The following ARHGEF17 variants were observed in gnomAD, a reference collection of about 807,000 sequenced individuals.
The protein encoded by ARHGEF17 is 164 kDa Rho-specific guanine-nucleotide exchange factor.
In ARHGEF17, 80 loss-of-function variants were observed where a neutral mutation model predicts 174.0. The ratio of observed to expected loss-of-function variants is 0.46; its 90% CI spans 0.38 to 0.55. ARHGEF17 has a LOEUF of 0.55. Ranked by LOEUF, ARHGEF17 falls within the 20% of genes least tolerant of loss-of-function variation. ARHGEF17 has a pLI of 0.00. For missense variants in ARHGEF17, 2,886 were observed against 2,839.7 expected (o/e 1.02, Z -0.37); for synonymous variants, 1,311 against 1,189.1 (o/e 1.10, Z -2.11).
rs1412032636 is a variant in ARHGEF17, at chr11:73,311,005, C to T, written c.2367C>T (p.Gly789=). The T allele has an allele frequency of 6.2e-7, 1 of 1,614,026 alleles. No homozygotes were observed. Among genetic ancestry groups the T allele is most frequent in the East Asian group, 2.2e-5 (1 of 44,890 alleles). ...GTGGTCACAGTGACTGGTCTGTGGG[C>T]AGTGAAGAGAGCAAGGGATATCAGG... is the stretch of plus-strand genomic sequence containing the variant. ...LTSGHSDWSV[G]SEESKGYQEV... The change falls in exon 1 of 21, where the codon GGC becomes GGT. Residue 789 remains glycine (G), a synonymous_variant. Coordinates refer to ENST00000263674, the MANE Select transcript of ARHGEF17 (RefSeq NM_014786.4).
At position 73,346,971 on chromosome 11, in the gene ARHGEF17, G is replaced by A. The variant is rs1865472276; in HGVS notation, c.3270+11G>A. The stretch of plus-strand genomic sequence containing the variant: ...CGCACCCTGATGCAGGTGGGGCTCG[G>A]GGCCCACTCCCCTGAGAATGGCCTT... On this transcript the variant is annotated intron_variant, in intron 2 of 20. Coordinates refer to ENST00000263674, the MANE Select transcript of ARHGEF17 (RefSeq NM_014786.4). 1 of 1,588,924 alleles carries A rather than the reference G, an allele frequency of 6.3e-7. No homozygotes were observed. The highest frequency in any genetic ancestry group is 2.3e-5 in the East Asian group (1 of 43,634).
intron 14 of ARHGEF17, 56 bp from the exon 15 acceptor site, chr11:73,363,150 A>T: frequency 6.8e-7 from 1 of 1,470,200 alleles, no homozygotes. Flanking sequence ...CTAGAAAGAT[A>T]TCAGGTCCCA....
chr11:73,320,810 G>A (rs748821607), intron 1 of ARHGEF17, among the ~76,000 whole-genome samples: 13 of 151,910 alleles, frequency 8.6e-5, no homozygotes, highest in East Asian at 1.9e-4. Flanking sequence ...ACAGGCATGC[G>A]CCATCATGCC....
chr11:73,362,347 A>G lies in ARHGEF17; in HGVS notation c.4695-86A>G, dbSNP rs999727121. 8.3e-6 allele frequency: 12 copies of G among 1,446,402 alleles called. No individual in the cohort carries two copies. In the African/African-American group the frequency reaches 1.7e-4, roughly 20 times the overall value. The allele number at this position is 1,446,402 out of a possible 1,614,324, so 89.6% of individuals were successfully genotyped here. On this transcript the variant is annotated intron_variant, in intron 13 of 20. Coordinates refer to ENST00000263674, the MANE Select transcript of ARHGEF17 (RefSeq NM_014786.4). ...GCGTGGTTGTGGGCGGGGCCCGGCG[A>G]GTGTGGGCGGGGTCGGTGGGCGTGT...
At chr11:73,326,186 G>A (rs1865099100) in intron 1 of ARHGEF17, among the ~76,000 whole-genome samples, 1 of 152,222 alleles carries the variant, frequency 6.6e-6, no homozygotes, top group Admixed American at 6.5e-5. Flanking sequence ...GCCAAGAAGG[G>A]TGAGGGCAGG....
At chr11:73,321,593 G>A (rs1438689640) in intron 1 of ARHGEF17, among the ~76,000 whole-genome samples, 2 of 152,202 alleles carry the variant, frequency 1.3e-5, no homozygotes, top group Non-Finnish European at 2.9e-5. Flanking sequence ...AAGAGAGAAT[G>A]CTTGTGGAGC....
At chr11:73,323,758 T>A (rs1051161691) in intron 1 of ARHGEF17, among the ~76,000 whole-genome samples, 1 of 152,156 alleles carries the variant, frequency 6.6e-6, no homozygotes, top group Admixed American at 6.5e-5. Flanking sequence ...CTAAAAATAG[T>A]CCCGGGCCTG....
chr11:73,360,347 T>C lies in ARHGEF17; in HGVS notation c.4234T>C (p.Ser1412Pro), dbSNP rs1301918699. 1.9e-6 allele frequency: 3 copies of C among 1,613,694 alleles called. No homozygotes were observed. Among genetic ancestry groups the C allele is most frequent in the Non-Finnish European group, 2.5e-6 (3 of 1,180,044 alleles). ...QSLDDALRDL[S>P]AAMHRDLSEK... ...CCTGGACGATGCACTGCGGGACCTC[T>C]CAGCTGCCATGCACCGGGACCTGTC... The change falls in exon 11 of 21, where the codon TCA becomes CCA. Residue 1412 changes from serine to proline, a missense_variant. Coordinates refer to ENST00000263674, the MANE Select transcript of ARHGEF17 (RefSeq NM_014786.4).
At position 73,309,579 on chromosome 11, in the gene ARHGEF17, A is replaced by G. The variant is rs1369513170; in HGVS notation, c.941A>G (p.Asn314Ser). The G allele has an allele frequency of 3.7e-6, 6 of 1,612,306 alleles. No individual in the cohort carries two copies. In the African/African-American group the frequency reaches 4.0e-5, roughly 11 times the overall value. ...TGCAGGCCTGACAGTGATGGGTTAA[A>G]TCTAAGCAGCATGAACTCAGCAGGG... ...QDCRPDSDGLNLSSMNSAGVS... is the reference protein window; with the variant it reads ...QDCRPDSDGLSLSSMNSAGVS... The change falls in exon 1 of 21, where the codon AAT (asparagine) becomes AGT (serine). Residue 314 changes from asparagine (N) to serine (S), a missense_variant. Transcript: ENST00000263674.
At chr11:73,358,461 T>TC (rs1475392495) in intron 9 of ARHGEF17, among the ~76,000 whole-genome samples, 1 of 144,130 alleles carries the variant, frequency 6.9e-6, no homozygotes, top group East Asian at 2.0e-4. Context: ...CTCTTTTTTT[T>TC]TTTTTTTTTT....
intron 2 of ARHGEF17, among the ~76,000 whole-genome samples, chr11:73,352,072 C>T (rs1284474117): frequency 2.0e-5 from 3 of 152,078 alleles, no homozygotes; most frequent in African/African-American, 4.8e-5. Context: ...CCTATAATCC[C>T]AGCACTTTGG....
chr11:73,317,161 A>G (rs2135788243), intron 1 of ARHGEF17, among the ~76,000 whole-genome samples: 1 of 152,198 alleles, frequency 6.6e-6, no homozygotes, highest in African/African-American at 2.4e-5. Context: ...CTGAAAGGCT[A>G]GGAGAGTGGA....
intron 1 of ARHGEF17, among the ~76,000 whole-genome samples, chr11:73,312,487 T>C (rs75109191): frequency 0.078 from 11,861 of 152,182 alleles, 594 homozygotes; most frequent in Non-Finnish European, 0.1. Context: ...GTGGACAAAC[T>C]AGTGCCTATG....
chr11:73,319,707 C>T (rs1265699836), intron 1 of ARHGEF17, among the ~76,000 whole-genome samples: 1 of 152,216 alleles, frequency 6.6e-6, no homozygotes, highest in Non-Finnish European at 1.5e-5. Context: ...AGCAGTCAAT[C>T]ATTGAGCTCC....
At chr11:73,359,737 G>A (rs1424800541) in intron 9 of ARHGEF17, 97 bp from the exon 10 acceptor site, 1 of 1,064,810 alleles carries the variant, frequency 9.4e-7, no homozygotes, top group Admixed American at 2.8e-5. Flanking sequence ...TCTCTCCCCG[G>A]CCCAGCTGCA....
At chr11:73,364,083 A>G (rs1301241787) in intron 16 of ARHGEF17, 89 bp from the exon 17 acceptor site, 14 of 1,376,438 alleles carry the variant, frequency 1.0e-5, no homozygotes, top group Non-Finnish European at 1.4e-5. Flanking sequence ...CTCGGGAGCC[A>G]TACCCATTCT....
In ARHGEF17 at chr11:73,309,437, C is replaced by T; in HGVS notation, c.799C>T (p.Pro267Ser). ...GPPQLPGAQS[P>S]AYHGGHSSGS... ...GCCGCAGCTGCCTGGAGCCCAGAGTCCGGCCTACCACGGCGGCCACTCCTC... is the reference window on the plus strand; with the variant it reads ...GCCGCAGCTGCCTGGAGCCCAGAGTTCGGCCTACCACGGCGGCCACTCCTC... The change falls in exon 1 of 21, where the codon CCG becomes TCG. Residue 267 changes from proline to serine, a missense_variant. Physicochemically the swap from Pro to Ser is moderately conservative, Grantham distance 74. Around this residue, in one of 4 missense-constraint regions of ARHGEF17, gnomAD observed 1,728 missense variants for 1,461.2 expected, o/e 1.18. Transcript: ENST00000263674. The T allele has an allele frequency of 6.5e-7, 1 of 1,544,150 alleles. No homozygotes were observed. The highest frequency in any genetic ancestry group is 1.2e-5 in the South Asian group (1 of 82,190).
chr11:73,335,142 C>G (rs1326795289), intron 1 of ARHGEF17, among the ~76,000 whole-genome samples: 1 of 152,156 alleles, frequency 6.6e-6, no homozygotes, highest in Non-Finnish European at 1.5e-5. Flanking sequence ...GGTGCATTTC[C>G]TGGGAGCCCT....
intron 1 of ARHGEF17, among the ~76,000 whole-genome samples, chr11:73,334,570 C>T (rs1205088305): frequency 6.6e-6 from 1 of 152,194 alleles, no homozygotes; most frequent in East Asian, 1.9e-4. Context: ...TGTGGGGCTT[C>T]AAGAGCCCCC....
Sources: allele counts gnomAD v4.1 joint callset (sites outside exome capture counted in the v4.1 genomes callset), GRCh38; gene constraint gnomAD v4.1.1; regional missense constraint gnomAD v4.1.1; transcripts MANE v1.5; gene names NCBI Gene and HGNC (gene_info 2026-07-23, HGNC 2026-07-21).